SPTLC1: variants seen among roughly 807,000 people sequenced by gnomAD.
SPTLC1 encodes serine palmitoyltransferase 1.
Under a neutral mutation model 68.9 loss-of-function variants are expected in SPTLC1, and 55 were observed. The observed-to-expected ratio is 0.80, with a 90% CI of 0.64 to 1.00. The LOEUF (loss-of-function observed/expected upper bound fraction) is 1.00. SPTLC1 is among the 50% of genes least tolerant of loss of function. The pLI is 0.00. For missense variants in SPTLC1, 449 were observed against 573.1 expected (o/e 0.78, Z 2.21); for synonymous variants, 197 against 201.6 (o/e 0.98, Z 0.19).
At chr9:92,050,128 GA>G in intron 8 of SPTLC1, 61 bp from the exon 9 acceptor site, 1 of 1,091,244 alleles carries the variant, frequency 9.2e-7, no homozygotes, top group South Asian at 1.3e-5. Context: ...ATATTATGGA[GA>G]AAAAAATTAA....
intron 5 of SPTLC1, among the ~76,000 whole-genome samples, chr9:92,072,691 T>C (rs1044312625): frequency 2.6e-5 from 4 of 152,054 alleles, no homozygotes; most frequent in East Asian, 1.9e-4. Flanking sequence ...CTGGCCCCAA[T>C]ATAAATTAGA....
At chr9:92,049,598 G>A (rs745487606) in intron 9 of SPTLC1, among the ~76,000 whole-genome samples, 11 of 152,092 alleles carry the variant, frequency 7.2e-5, no homozygotes, top group South Asian at 2.1e-4. Flanking sequence ...TTTCTCTGCC[G>A]TCATGAATAC....
chr9:92,052,346 A>G (rs1386570823), intron 8 of SPTLC1, among the ~76,000 whole-genome samples: 1 of 152,192 alleles, frequency 6.6e-6, no homozygotes, highest in East Asian at 1.9e-4. Flanking sequence ...AACATTAAAC[A>G]AATGATGCAG....
At chr9:92,097,340 T>C (rs1320375704) in intron 3 of SPTLC1, among the ~76,000 whole-genome samples, 1 of 152,214 alleles carries the variant, frequency 6.6e-6, no homozygotes, top group Non-Finnish European at 1.5e-5. Context: ...AATTAAAACA[T>C]TATGCCCATG....
At chr9:92,034,695 G>A in intron 14 of SPTLC1, 115 bp downstream of exon 14, 2 of 850,390 alleles carry the variant, frequency 2.4e-6, no homozygotes, top group Non-Finnish European at 4.0e-6. Flanking sequence ...ATATTTTAAT[G>A]ACAGATATTC....
chr9:92,047,251 T>G lies in SPTLC1; in HGVS notation c.1002A>C (p.Gly334=). The G allele has an allele frequency of 6.2e-7, 1 of 1,614,082 alleles. No individual in the cohort carries two copies. Among genetic ancestry groups the G allele is most frequent in the Non-Finnish European group, 8.5e-7 (1 of 1,179,952 alleles). The change falls in exon 11 of 15, where the codon GGA becomes GGC. Residue 334 remains glycine, a synonymous_variant. Coordinates refer to ENST00000262554, the MANE Select transcript of SPTLC1 (RefSeq NM_006415.4). ...GAGGTAACGAAGCTGAAAAGCAGTATCCCTGGCCGGAAAGTCGCTGAGAAG... is the reference window on the plus strand; with the variant it reads ...GAGGTAACGAAGCTGAAAAGCAGTAGCCCTGGCCGGAAAGTCGCTGAGAAG... ...VIDHQRLSGQ[G]YCFSASLPPL...
chr9:92,086,176 T>C (rs1408988877), intron 3 of SPTLC1, among the ~76,000 whole-genome samples: 1 of 152,098 alleles, frequency 6.6e-6, no homozygotes, highest in East Asian at 1.9e-4. Flanking sequence ...AGCACACTGA[T>C]GGGTCTTGAC....
At chr9:92,099,283 C>G (rs924726184) in intron 3 of SPTLC1, among the ~76,000 whole-genome samples, 2 of 152,146 alleles carry the variant, frequency 1.3e-5, no homozygotes, top group African/African-American at 4.8e-5. Flanking sequence ...GTACCTTCCC[C>G]TAATCCACAC....
chr9:92,045,955 G>A (rs1833499205), intron 12 of SPTLC1, 44 bp downstream of exon 12: 5 of 1,534,460 alleles, frequency 3.3e-6, no homozygotes, highest in Non-Finnish European at 3.6e-6. Context: ...TGTTAAGTGT[G>A]GTGCAGATAA....
At chr9:92,044,007 T>C (rs1263134827) in intron 12 of SPTLC1, among the ~76,000 whole-genome samples, 1 of 152,178 alleles carries the variant, frequency 6.6e-6, no homozygotes, top group African/African-American at 2.4e-5. Context: ...TCTGTAACCA[T>C]CTAGATACCA....
chr9:92,072,927 T>C (rs1406358385), intron 5 of SPTLC1, among the ~76,000 whole-genome samples: 1 of 151,910 alleles, frequency 6.6e-6, no homozygotes, highest in Non-Finnish European at 1.5e-5. Context: ...GACTCCTCTT[T>C]ACCTGTTAAC....
intron 3 of SPTLC1, among the ~76,000 whole-genome samples, chr9:92,082,506 T>G (rs1019377019): frequency 1.3e-5 from 2 of 150,330 alleles, no homozygotes; most frequent in Non-Finnish European, 3.0e-5. Context: ...TTTTTGTCCT[T>G]GCGATAGTTT....
intron 6 of SPTLC1, among the ~76,000 whole-genome samples, chr9:92,063,912 G>T (rs1488368422): frequency 6.6e-6 from 1 of 152,162 alleles, no homozygotes; most frequent in Non-Finnish European, 1.5e-5. Flanking sequence ...ATACTTATTG[G>T]TGAAAGAGTA....
At chr9:92,072,374 A>G (rs1389467224) in intron 5 of SPTLC1, among the ~76,000 whole-genome samples, 1 of 152,026 alleles carries the variant, frequency 6.6e-6, no homozygotes, top group African/African-American at 2.4e-5. Context: ...TCCAAAATCC[A>G]ACGTTGGTCA....
At chr9:92,083,727 C>CT (rs1282274604) in intron 3 of SPTLC1, among the ~76,000 whole-genome samples, 1 of 151,772 alleles carries the variant, frequency 6.6e-6, no homozygotes, top group Non-Finnish European at 1.5e-5. Context: ...GATGTGGGCT[C>CT]TTTTTTGGTT....
At chr9:92,060,782 G>A (rs1834066299) in intron 6 of SPTLC1, among the ~76,000 whole-genome samples, 1 of 151,448 alleles carries the variant, frequency 6.6e-6, no homozygotes, top group African/African-American at 2.4e-5. Context: ...GCGTGGTGGT[G>A]GGTGCCTGTA....
At chr9:92,058,726 G>A (rs1564092402) in intron 7 of SPTLC1, among the ~76,000 whole-genome samples, 1 of 152,046 alleles carries the variant, frequency 6.6e-6, no homozygotes, top group African/African-American at 2.4e-5. Flanking sequence ...GGGGAGAAAG[G>A]GCTTCACTTT....
intron 14 of SPTLC1, among the ~76,000 whole-genome samples, chr9:92,034,312 A>G (rs756575322): frequency 6.6e-6 from 1 of 152,260 alleles, no homozygotes; most frequent in Non-Finnish European, 1.5e-5. Context: ...TCTCCTTAAA[A>G]GTAAGACATT....
intron 1 of SPTLC1, among the ~76,000 whole-genome samples, chr9:92,113,583 C>A (rs1836322397): frequency 6.6e-6 from 1 of 152,188 alleles, no homozygotes; most frequent in Non-Finnish European, 1.5e-5. Context: ...CAACATTTAA[C>A]AGAAAATAAT....
Sources: gnomAD v4.1 joint callset for allele counts (sites outside exome capture counted in the v4.1 genomes callset) on GRCh38, gnomAD v4.1.1 for gene constraint, MANE v1.5 for transcripts, NCBI Gene and HGNC (gene_info 2026-07-23, HGNC 2026-07-21) for gene names.